Variants in ZNF148 observed in about 807,000 individuals in gnomAD.
ZNF148 encodes zinc finger protein 148.
A neutral mutation model predicts 67.7 loss-of-function variants in ZNF148; 7 were observed. That is an observed-to-expected ratio of 0.10 (90% confidence interval 0.06 to 0.19). The LOEUF is 0.19. Ranked by LOEUF, ZNF148 falls within the 10% of genes least tolerant of loss-of-function variation. The pLI is 1.00. For synonymous variants in ZNF148, 333 were observed against 330.7 expected, an observed-to-expected ratio of 1.01 and a Z score of -0.08; for missense variants, 583 against 947.1, an observed-to-expected ratio of 0.62 and a Z score of 5.05.
intron 7 of ZNF148, among the ~76,000 whole-genome samples, chr3:125,276,048 G>A (rs1044479346): frequency 1.3e-5 from 2 of 152,122 alleles, no homozygotes; most frequent in African/African-American, 4.8e-5. Flanking sequence ...CCACAAGAAC[G>A]TAAACTCCAA....
chr3:125,335,402 T>C lies in ZNF148; in HGVS notation c.-233-4164A>G, dbSNP rs578145432. 4.6e-5 allele frequency among the ~76,000 whole-genome samples: 7 copies of C among 152,284 alleles called. No individual in the cohort carries two copies. In the South Asian group the frequency reaches 1.2e-3, roughly 27 times the overall value. On this transcript the variant is annotated intron_variant, in intron 1 of 8. Coordinates refer to ENST00000360647, the MANE Select transcript of ZNF148 (RefSeq NM_021964.3). Reference sequence around the variant, plus strand: ...TGTAGAAAAGTCACCCAAGGTCACATAAACCTAATAAAATGGCGAAACTTG... The same window carrying C: ...TGTAGAAAAGTCACCCAAGGTCACACAAACCTAATAAAATGGCGAAACTTG...
chr3:125,308,977 G>A (rs964796253), intron 4 of ZNF148, among the ~76,000 whole-genome samples: 5 of 152,150 alleles, frequency 3.3e-5, no homozygotes, highest in Admixed American at 6.5e-5. Context: ...AACATGTTGT[G>A]CAAAAGCAGC....
intron 4 of ZNF148, among the ~76,000 whole-genome samples, chr3:125,291,277 T>A (rs538285009): frequency 6.6e-6 from 1 of 152,180 alleles, no homozygotes; most frequent in Non-Finnish European, 1.5e-5. Flanking sequence ...AATAAATGAA[T>A]ATAAAACTAT....
At chr3:125,302,847 TA>T (rs759212617) in intron 4 of ZNF148, among the ~76,000 whole-genome samples, 1 of 152,236 alleles carries the variant, frequency 6.6e-6, no homozygotes, top group African/African-American at 2.4e-5. Context: ...ATCTGGGTGA[TA>T]GGGGTATGGT....
chr3:125,251,578 G>C (rs1365965766), intron 7 of ZNF148, among the ~76,000 whole-genome samples: 1 of 152,132 alleles, frequency 6.6e-6, no homozygotes, highest in Non-Finnish European at 1.5e-5. Flanking sequence ...AACTTCACAT[G>C]AATGGAATTA....
intron 6 of ZNF148, 137 bp from the exon 7 acceptor site, chr3:125,277,946 T>G (rs533712486): frequency 3.5e-6 from 2 of 564,368 alleles, no homozygotes; most frequent in Admixed American, 3.7e-5. Flanking sequence ...TTTAATGTTA[T>G]TAACAGAATT....
At chr3:125,259,546 A>AT (rs535890409) in intron 7 of ZNF148, among the ~76,000 whole-genome samples, 9 of 152,286 alleles carry the variant, frequency 5.9e-5, no homozygotes, top group East Asian at 1.9e-4. Context: ...AGTCACACAA[A>AT]TTTTTTTGTT....
chr3:125,237,105 A>C (rs1936125398), intron 7 of ZNF148, among the ~76,000 whole-genome samples: 1 of 152,232 alleles, frequency 6.6e-6, no homozygotes, highest in African/African-American at 2.4e-5. Context: ...TGTTTAGGAC[A>C]GGGAGACTGA....
At position 125,360,442 on chromosome 3, in the gene ZNF148, T is replaced by C. The variant is rs1942500561; in HGVS notation, c.-234+14660A>G. Among the ~76,000 whole-genome samples the C allele has an allele frequency of 2.0e-5, 3 of 152,062 alleles. No homozygotes were observed. The South Asian group carries it at 6.2e-4, about 32-fold the overall frequency. The stretch of plus-strand genomic sequence containing the variant: ...CTGGAACTATAGGTGTGCACCACCA[T>C]GCCCAGCTAATTTTTTATTTTTGTG... On this transcript the variant is annotated intron_variant, in intron 1 of 8. Transcript: ENST00000360647.
chr3:125,227,958 A>G lies in ZNF148; in HGVS notation c.*4383T>C, dbSNP rs969164048. 6.6e-6 allele frequency: 1 copy of G among 152,590 alleles called. No individual in the cohort carries two copies. The highest frequency in any genetic ancestry group is 2.4e-5 in the African/African-American group (1 of 41,460). The allele number at this position is 152,590 out of a possible 1,614,324, so 9.5% of individuals were successfully genotyped here. A position where few individuals can be genotyped will look rare whatever the true frequency, so the allele number is the denominator to read the frequency against. ...GTATAATATCTACTCACTTGAAACTATAATAGGTTTGTCTTTCTTTGTATT... is the reference window on the plus strand; with the variant it reads ...GTATAATATCTACTCACTTGAAACTGTAATAGGTTTGTCTTTCTTTGTATT... On this transcript the variant is annotated 3_prime_UTR_variant, in exon 9 of 9. Transcript: ENST00000360647.
At chr3:125,288,376 G>T in intron 4 of ZNF148, 148 bp from the exon 5 acceptor site, 1 of 739,846 alleles carries the variant, frequency 1.4e-6, no homozygotes, top group African/African-American at 1.8e-5. Context: ...TATATACAGT[G>T]CTATAGAATT....
At chr3:125,355,715 C>G (rs1472581958) in intron 1 of ZNF148, among the ~76,000 whole-genome samples, 1 of 111,962 alleles carries the variant, frequency 8.9e-6, no homozygotes, top group African/African-American at 3.9e-5. Context: ...AGTGAGACCC[C>G]AGTCTCTATT....
chr3:125,269,973 T>C (rs940376203), intron 7 of ZNF148, among the ~76,000 whole-genome samples: 19 of 151,814 alleles, frequency 1.3e-4, no homozygotes, highest in Non-Finnish European at 2.4e-4. Context: ...AGAGAAGGAA[T>C]GGGGGAAAGG....
At chr3:125,268,945 A>C (rs1031389897) in intron 7 of ZNF148, among the ~76,000 whole-genome samples, 6 of 152,312 alleles carry the variant, frequency 3.9e-5, no homozygotes, top group African/African-American at 1.4e-4. Flanking sequence ...ACAAACTATG[A>C]ATTCAACAAG....
intron 4 of ZNF148, among the ~76,000 whole-genome samples, chr3:125,298,611 AT>A (rs1265935409): frequency 6.8e-6 from 1 of 148,080 alleles, no homozygotes; most frequent in Non-Finnish European, 1.5e-5. Flanking sequence ...TTGTACATTT[AT>A]ATTAAATTTT....
chr3:125,363,283 C>T (rs114815601), intron 1 of ZNF148, among the ~76,000 whole-genome samples: 1,602 of 152,206 alleles, frequency 0.011, 27 homozygotes, highest in African/African-American at 0.036. Context: ...ATTTCATAAC[C>T]GTCAGTGCCC....
intron 2 of ZNF148, among the ~76,000 whole-genome samples, chr3:125,330,839 C>T (rs909982036): frequency 6.6e-6 from 1 of 151,768 alleles, no homozygotes; most frequent in Admixed American, 6.6e-5. Context: ...CAACATAGGC[C>T]AACAAGAAAG....
At chr3:125,264,836 A>C (rs1937496575) in intron 7 of ZNF148, among the ~76,000 whole-genome samples, 1 of 152,212 alleles carries the variant, frequency 6.6e-6, no homozygotes, top group Non-Finnish European at 1.5e-5. Flanking sequence ...ATCATTAAAC[A>C]ATCATTTCAA....
chr3:125,341,782 C>T (rs1941733115), intron 1 of ZNF148, among the ~76,000 whole-genome samples: 1 of 151,904 alleles, frequency 6.6e-6, no homozygotes, highest in Non-Finnish European at 1.5e-5. Flanking sequence ...ATTACGTGAG[C>T]TTAGGAGTTC....
Sources: allele counts gnomAD v4.1 joint callset (sites outside exome capture counted in the v4.1 genomes callset), GRCh38; gene constraint gnomAD v4.1.1; transcripts MANE v1.5; gene names NCBI Gene and HGNC (gene_info 2026-07-23, HGNC 2026-07-21).